CCSER1: variants seen among roughly 807,000 people sequenced by gnomAD.
The protein encoded by CCSER1 is serine-rich coiled-coil domain-containing protein 1.
Under a neutral mutation model 82.0 loss-of-function variants are expected in CCSER1, and 41 were observed. That is an observed-to-expected ratio of 0.50 (90% CI 0.39 to 0.65). The LOEUF (loss-of-function observed/expected upper bound fraction) is 0.65. CCSER1 is among the 30% of genes least tolerant of loss of function. The pLI is 0.00. For missense variants in CCSER1, 1,119 were observed against 1,064.2 expected, an observed-to-expected ratio of 1.05 and a Z score of -0.72; for synonymous variants, 414 against 383.9, an observed-to-expected ratio of 1.08 and a Z score of -0.92.
At chr4:90,299,797 C>A (rs934023904) in intron 1 of CCSER1, among the ~76,000 whole-genome samples, 1 of 152,086 alleles carries the variant, frequency 6.6e-6, no homozygotes, top group Admixed American at 6.6e-5. Context: ...CAAGTGTGAG[C>A]CCTGTTTAAA....
At chr4:90,412,736 C>T (rs761638855) in intron 4 of CCSER1, among the ~76,000 whole-genome samples, 3 of 152,092 alleles carry the variant, frequency 2.0e-5, no homozygotes, top group Non-Finnish European at 4.4e-5. Flanking sequence ...TCAGCAAAAT[C>T]GGCATAGAAG....
intron 10 of CCSER1, among the ~76,000 whole-genome samples, chr4:91,386,848 T>C (rs1193834323): frequency 2.0e-5 from 3 of 151,894 alleles, no homozygotes; most frequent in Non-Finnish European, 2.9e-5. Context: ...AAATGTGAAA[T>C]ATTATATTAA....
In CCSER1 at chr4:91,422,180, G is replaced by A. The variant is rs373432190; in HGVS notation, c.2218-176392G>A. Among the ~76,000 whole-genome samples, 346 of 151,814 alleles carry A rather than the reference G, an allele frequency of 2.3e-3. 3 individuals carry two copies. Among genetic ancestry groups the A allele is most frequent in the African/African-American group, 7.7e-3 (317 of 41,436 alleles). ...ACTGTGAGATAATAAAACTTTTGTT[G>A]TTTTAACCATGATGTTTCTGGTAAT... On this transcript the variant is annotated intron_variant, in intron 10 of 10. Transcript: ENST00000509176.
At chr4:90,828,891 A>T (rs946578752) in intron 8 of CCSER1, among the ~76,000 whole-genome samples, 1 of 152,146 alleles carries the variant, frequency 6.6e-6, no homozygotes, top group Non-Finnish European at 1.5e-5. Flanking sequence ...ACATTATTAA[A>T]TTATATAGAT....
At chr4:90,744,992 A>G (rs577630518) in intron 7 of CCSER1, among the ~76,000 whole-genome samples, 2 of 151,836 alleles carry the variant, frequency 1.3e-5, no homozygotes, top group East Asian at 3.8e-4. Context: ...TATCTTAAAA[A>G]GTTATAGTTT....
At chr4:90,691,810 A>T (rs1367189186) in intron 6 of CCSER1, among the ~76,000 whole-genome samples, 1 of 151,592 alleles carries the variant, frequency 6.6e-6, no homozygotes, top group Admixed American at 6.6e-5. Context: ...CAGGTAATAA[A>T]CATAGTACTC....
At chr4:90,260,402 C>T (rs1724100989) in intron 1 of CCSER1, among the ~76,000 whole-genome samples, 1 of 152,058 alleles carries the variant, frequency 6.6e-6, no homozygotes, top group African/African-American at 2.4e-5. Context: ...TTTCTTTGGT[C>T]CAGCAGTAAT....
intron 4 of CCSER1, among the ~76,000 whole-genome samples, chr4:90,417,528 C>G (rs1311315007): frequency 6.6e-6 from 1 of 151,878 alleles, no homozygotes; most frequent in African/African-American, 2.4e-5. Flanking sequence ...ATGTAATGGT[C>G]ATTTGGATGA....
intron 4 of CCSER1, among the ~76,000 whole-genome samples, chr4:90,439,812 C>G (rs1759587220): frequency 1.3e-5 from 2 of 152,146 alleles, no homozygotes; most frequent in Non-Finnish European, 2.9e-5. Flanking sequence ...TCCAAAACAT[C>G]TTCTTTCAGA....
rs1174603022 is a variant in CCSER1, at chr4:90,230,736, A to G, written c.-41-77508A>G. On this transcript the variant is annotated intron_variant, in intron 1 of 10. Coordinates refer to ENST00000509176, the MANE Select transcript of CCSER1 (RefSeq NM_001145065.2). ...TGATAGACCGCTAGCAAGACTAATA[A>G]AGAAAAAAAGAGAGAAGAATCAAAT... 2.0e-5 allele frequency among the ~76,000 whole-genome samples: 3 copies of G among 151,648 alleles called. No homozygotes were observed. In the East Asian group the frequency reaches 5.8e-4, roughly 29 times the overall value.
At chr4:91,168,225 G>T (rs1444735594) in intron 10 of CCSER1, among the ~76,000 whole-genome samples, 19 of 147,092 alleles carry the variant, frequency 1.3e-4, no homozygotes, top group Non-Finnish European at 1.5e-5. Flanking sequence ...GCCCCGTCTG[G>T]GAGGTGAGGA....
At chr4:90,622,523 T>A (rs1368338996) in intron 5 of CCSER1, among the ~76,000 whole-genome samples, 1 of 152,012 alleles carries the variant, frequency 6.6e-6, no homozygotes, top group Non-Finnish European at 1.5e-5. Context: ...GCGGTGTTTG[T>A]TTTTTTGTCC....
chr4:90,355,741 CCTTG>C (rs1378070437), intron 3 of CCSER1, among the ~76,000 whole-genome samples: 3 of 152,006 alleles, frequency 2.0e-5, no homozygotes, highest in East Asian at 1.9e-4. Context: ...AGAAAAATCA[CCTTG>C]CTTCTTGGCA....
At chr4:90,521,955 C>T (rs923204728) in intron 5 of CCSER1, among the ~76,000 whole-genome samples, 1 of 152,106 alleles carries the variant, frequency 6.6e-6, no homozygotes, top group African/African-American at 2.4e-5. Flanking sequence ...CTTCATTGAT[C>T]TGTTTTCTCA....
chr4:90,173,714 G>T (rs1732162884), intron 1 of CCSER1, among the ~76,000 whole-genome samples: 1 of 151,972 alleles, frequency 6.6e-6, no homozygotes, highest in African/African-American at 2.4e-5. Context: ...CTAGGCACAA[G>T]TTTAAGGGTT....
intron 9 of CCSER1, among the ~76,000 whole-genome samples, chr4:90,983,082 C>T (rs1039208960): frequency 6.6e-6 from 1 of 151,766 alleles, no homozygotes; most frequent in Non-Finnish European, 1.5e-5. Flanking sequence ...TACCCTGCCT[C>T]CAGCACAGAG....
intron 3 of CCSER1, among the ~76,000 whole-genome samples, chr4:90,338,147 G>A (rs528921357): frequency 1.1e-4 from 16 of 152,210 alleles, no homozygotes; most frequent in African/African-American, 3.6e-4. Flanking sequence ...TTTGGGACTT[G>A]CCCCATCTAA....
chr4:90,526,898 T>C (rs1036923338), intron 5 of CCSER1, among the ~76,000 whole-genome samples: 1 of 152,174 alleles, frequency 6.6e-6, no homozygotes, highest in Non-Finnish European at 1.5e-5. Context: ...GTAATGGGAT[T>C]GCTGGGTCAA....
At chr4:90,865,369 T>C (rs1765600994) in intron 8 of CCSER1, among the ~76,000 whole-genome samples, 1 of 152,178 alleles carries the variant, frequency 6.6e-6, no homozygotes, top group Admixed American at 6.6e-5. Flanking sequence ...TAGTTTTGTT[T>C]AGTCAGAGGT....
Sources: gnomAD v4.1 joint callset for allele counts (sites outside exome capture counted in the v4.1 genomes callset) on GRCh38, gnomAD v4.1.1 for gene constraint, MANE v1.5 for transcripts, NCBI Gene and HGNC (gene_info 2026-07-23, HGNC 2026-07-21) for gene names.